The following NSD1 variants were observed in gnomAD, a reference collection of about 807,000 sequenced individuals.
The protein encoded by NSD1 is histone-lysine N-methyltransferase, H3 lysine-36 specific.
Under a neutral mutation model 242.7 loss-of-function variants are expected in NSD1, and 26 were observed. That is an observed-to-expected ratio of 0.11 (90% CI 0.08 to 0.15). The LOEUF is 0.15. Ranked by LOEUF, NSD1 falls within the 10% of genes least tolerant of loss-of-function variation. NSD1 has a pLI of 1.00. For missense variants in NSD1, 2,495 were observed against 3,272.8 expected, an observed-to-expected ratio of 0.76 and a Z score of 5.80; for synonymous variants, 1,106 against 1,178.1, an observed-to-expected ratio of 0.94 and a Z score of 1.25.
Position 177,276,603 on chromosome 5 carries a change from G to A in NSD1, c.5622+2819G>A, listed in dbSNP as rs145108832. On this transcript the variant is annotated intron_variant, in intron 17 of 22. Coordinates refer to ENST00000439151, the MANE Select transcript of NSD1 (RefSeq NM_022455.5). ...GGTCTCCCAAAGTTGAGCCTCCCACGGTGAGCCACTGTGCCAGGCCCAGTT... is the reference window on the plus strand; with the variant it reads ...GGTCTCCCAAAGTTGAGCCTCCCACAGTGAGCCACTGTGCCAGGCCCAGTT... Among the ~76,000 whole-genome samples, 482 of 152,156 alleles carry A rather than the reference G, an allele frequency of 3.2e-3. 3 individuals are homozygous for A. The highest frequency in any genetic ancestry group is 0.011 in the African/African-American group (448 of 41,520).
At chr5:177,140,914 C>A (rs939290573) in intron 2 of NSD1, among the ~76,000 whole-genome samples, 1 of 152,060 alleles carries the variant, frequency 6.6e-6, no homozygotes, top group Non-Finnish European at 1.5e-5. Context: ...ACCCATCATC[C>A]CACAATTTTC....
intron 17 of NSD1, 80 bp downstream of exon 17, chr5:177,273,864 C>CAGAGT: frequency 1.1e-6 from 1 of 949,712 alleles, no homozygotes; most frequent in Non-Finnish European, 1.7e-6. Context: ...ATGACAAGAA[C>CAGAGT]GGAAGCACAA....
chr5:177,232,376 AT>A (rs1373358446), intron 5 of NSD1, among the ~76,000 whole-genome samples: 1 of 152,236 alleles, frequency 6.6e-6, no homozygotes, highest in African/African-American at 2.4e-5. Context: ...CAGGTTGAGC[AT>A]TCCTAATCAG....
intron 2 of NSD1, among the ~76,000 whole-genome samples, chr5:177,160,991 CT>C: frequency 6.6e-6 from 1 of 152,036 alleles, no homozygotes; most frequent in Non-Finnish European, 1.5e-5. Flanking sequence ...CTAGTCTCAA[CT>C]TCTGGACCTC....
At chr5:177,175,332 A>ACAGT (rs1760104544) in intron 2 of NSD1, among the ~76,000 whole-genome samples, 1 of 152,136 alleles carries the variant, frequency 6.6e-6, no homozygotes, top group African/African-American at 2.4e-5. Flanking sequence ...TATGTTACAG[A>ACAGT]CAGTCTTTTT....
At chr5:177,166,888 C>T (rs115341537) in intron 2 of NSD1, among the ~76,000 whole-genome samples, 2,776 of 151,750 alleles carry the variant, frequency 0.018, 34 homozygotes, top group Non-Finnish European at 0.028. Context: ...GTTACAGTCA[C>T]GTGCCACCAT....
At chr5:177,265,047 T>TCC in intron 14 of NSD1, 1 of 761,004 alleles carries the variant, frequency 1.3e-6, no homozygotes, top group Non-Finnish European at 2.4e-6. Context: ...ATTGAGCACA[T>TCC]TAAGCACTCC....
intron 4 of NSD1, 150 bp downstream of exon 4, chr5:177,204,442 G>A (rs1023203376): frequency 2.5e-5 from 18 of 707,670 alleles, no homozygotes; most frequent in South Asian, 1.6e-4. Flanking sequence ...CAACCTCCGC[G>A]TCCCAGGTTC....
At position 177,298,045 on chromosome 5, in the gene NSD1, A is replaced by G. The variant is rs903390980; in HGVS notation, c.*2586A>G. On this transcript the variant is annotated 3_prime_UTR_variant, in exon 23 of 23. Transcript: ENST00000439151. ...GGGCCCACCAGTAGCAGCATGTGATACTAGATGGTTAAAATCATGAAAGCA... is the reference window on the plus strand; with the variant it reads ...GGGCCCACCAGTAGCAGCATGTGATGCTAGATGGTTAAAATCATGAAAGCA... 2 of 232,664 alleles carry G rather than the reference A, an allele frequency of 8.6e-6. No homozygotes were observed. The highest frequency in any genetic ancestry group is 1.7e-5 in the Non-Finnish European group (2 of 117,970). The allele number at this position is 232,664 out of a possible 1,614,324, so 14.4% of individuals were successfully genotyped here. A position where few individuals can be genotyped will look rare whatever the true frequency, so the allele number is the denominator to read the frequency against.
chr5:177,216,670 G>T (rs902284533), intron 5 of NSD1, among the ~76,000 whole-genome samples: 95 of 126,870 alleles, frequency 7.5e-4, no homozygotes, highest in African/African-American at 2.3e-3. Context: ...AGGGATCTCT[G>T]TTTTTTTTTT....
rs530902057 is a variant in NSD1, at chr5:177,288,791, A to G, written c.6152-28A>G. On this transcript the variant is annotated intron_variant, in intron 20 of 22. Coordinates refer to ENST00000439151, the MANE Select transcript of NSD1 (RefSeq NM_022455.5). ...AAATAATGTAATTAAAACCATAGAT[A>G]TTAATATTTTCACGGTCTCTTATGC... The G allele has an allele frequency of 1.1e-5, 16 of 1,439,982 alleles. No homozygotes were observed. The South Asian group carries it at 1.4e-4, about 12-fold the overall frequency. 89.2% of individuals were successfully genotyped at this position (1,439,982 alleles called of 1,614,324 possible).
chr5:177,250,849 T>C (rs530337440), intron 11 of NSD1, among the ~76,000 whole-genome samples: 5 of 152,332 alleles, frequency 3.3e-5, no homozygotes, highest in African/African-American at 1.2e-4. Flanking sequence ...AGCTAAAACT[T>C]ACTTAGTCAC....
Position 177,203,617 on chromosome 5 carries a change from G to A in NSD1, c.1064-503G>A, listed in dbSNP as rs769189324. On this transcript the variant is annotated intron_variant, in intron 3 of 22. Transcript: ENST00000439151. ...ATGCAAAGCACCTTGTGTGGTGCTCGTCTATGAGTAGCTACACTATAAATG... is the reference window on the plus strand; with the variant it reads ...ATGCAAAGCACCTTGTGTGGTGCTCATCTATGAGTAGCTACACTATAAATG... Among the ~76,000 whole-genome samples, 34 of 152,226 alleles carry A rather than the reference G, an allele frequency of 2.2e-4. 1 individual carries two copies. The highest frequency in any genetic ancestry group is 3.4e-3 in the Middle Eastern group (1 of 294).
At chr5:177,221,890 A>G (rs906825139) in intron 5 of NSD1, among the ~76,000 whole-genome samples, 5 of 151,832 alleles carry the variant, frequency 3.3e-5, no homozygotes, top group East Asian at 1.9e-4. Flanking sequence ...GCTCACAGCA[A>G]CCTTTGCCTC....
At position 177,269,787 on chromosome 5, in the gene NSD1, T is replaced by C. The variant is rs780351800; in HGVS notation, c.5489T>C (p.Val1830Ala). Reference sequence around the variant, plus strand: ...AGCAAGGATAAGATGGGCAAAGGAGTGGATGGGACATATAAAAAAGGTAAC... The same window carrying C: ...AGCAAGGATAAGATGGGCAAAGGAGCGGATGGGACATATAAAAAAGGTAAC... ...VSSKDKMGKG[V>A]DGTYKKALQE... The change falls in exon 16 of 23, where the codon GTG becomes GCG. Residue 1830 changes from valine (V) to alanine (A), a missense_variant. This residue lies in a region of NSD1 where 114 missense variants were observed against 247.4 expected (regional missense o/e 0.46). Transcript: ENST00000439151. This position sits in a 1 kb window ranked among gnomAD's most constrained non-coding sequence, Gnocchi z 5.1. The C allele has an allele frequency of 6.2e-7, 1 of 1,612,286 alleles. No individual in the cohort carries two copies. Among genetic ancestry groups the C allele is most frequent in the Non-Finnish European group, 8.5e-7 (1 of 1,178,934 alleles).
chr5:177,138,194 GT>G (rs201529803), intron 2 of NSD1, among the ~76,000 whole-genome samples: 4 of 151,260 alleles, frequency 2.6e-5, no homozygotes, highest in South Asian at 2.1e-4. Context: ...AAATGTAGAA[GT>G]TTTTTTTTCA....
chr5:177,151,317 G>A (rs1757677812), intron 2 of NSD1, among the ~76,000 whole-genome samples: 1 of 152,188 alleles, frequency 6.6e-6, no homozygotes. Context: ...CCAGGAGACG[G>A]AGGTTGCAGT....
intron 2 of NSD1, among the ~76,000 whole-genome samples, chr5:177,158,289 CTTTCTTTCTTTCTTTTCTTTCT>C (rs1347689737): frequency 8.3e-4 from 79 of 94,632 alleles, no homozygotes; most frequent in African/African-American, 4.0e-3. Flanking sequence ...TTCTTTCTTT[CTTTCTTTCTTTCTTTTCTTTCT>C]TTTCTTTCTT....
Position 177,204,236 on chromosome 5 carries a change from G to C in NSD1, c.1180G>C (p.Glu394Gln). The C allele has an allele frequency of 6.2e-7, 1 of 1,614,130 alleles. No homozygotes were observed. Among genetic ancestry groups the C allele is most frequent in the East Asian group, 2.2e-5 (1 of 44,890 alleles). The change falls in exon 4 of 23, where the codon GAG becomes CAG. Residue 394 changes from glutamate (E) to glutamine (Q), a missense_variant. Around this residue, in one of 19 missense-constraint regions of NSD1, gnomAD observed 65 missense variants for 136.2 expected, o/e 0.48. Transcript: ENST00000439151. ...VMFEGRHQFE[E>Q]LPVLRRRGKQ... The stretch of plus-strand genomic sequence containing the variant: ...GTTTGAAGGCAGACATCAATTCGAA[G>C]AGCTACCTGTCCTTAGGAGAAGAGG...
Sources: allele counts gnomAD v4.1 joint callset (sites outside exome capture counted in the v4.1 genomes callset), GRCh38; gene constraint gnomAD v4.1.1; regional missense constraint gnomAD v4.1.1; non-coding constraint Gnocchi (gnomAD v3.1); transcripts MANE v1.5; gene names NCBI Gene and HGNC (gene_info 2026-07-23, HGNC 2026-07-21).